AUTS2: variants seen among roughly 807,000 people sequenced by gnomAD.
AUTS2 encodes autism susceptibility gene 2 protein.
A neutral mutation model predicts 112.4 loss-of-function variants in AUTS2; 17 were observed. That is an observed-to-expected ratio of 0.15 (90% confidence interval 0.10 to 0.23). The LOEUF is 0.23. Ranked by LOEUF, AUTS2 falls within the 10% of genes least tolerant of loss-of-function variation. The pLI is 1.00. For synonymous variants in AUTS2, 751 were observed against 702.7 expected, an observed-to-expected ratio of 1.07 and a Z score of -1.09; for missense variants, 1,510 against 1,701.6, an observed-to-expected ratio of 0.89 and a Z score of 1.98.
chr7:69,769,855 A>G (rs1788587383), intron 1 of AUTS2, among the ~76,000 whole-genome samples: 1 of 152,244 alleles, frequency 6.6e-6, no homozygotes, highest in Non-Finnish European at 1.5e-5. Context: ...TCTAGTCATT[A>G]CTTCACGGGG....
intron 2 of AUTS2, among the ~76,000 whole-genome samples, chr7:69,945,741 T>C (rs1407789321): frequency 1.3e-5 from 2 of 152,188 alleles, no homozygotes; most frequent in African/African-American, 4.8e-5. Context: ...CTTGAGAAAG[T>C]ACTTATTTTC....
At chr7:69,913,289 C>G (rs1175799561) in intron 2 of AUTS2, among the ~76,000 whole-genome samples, 1 of 152,120 alleles carries the variant, frequency 6.6e-6, no homozygotes, top group East Asian at 1.9e-4. Flanking sequence ...TTGTTTATAA[C>G]AAGGGTCACC....
At chr7:69,954,523 A>G (rs1584488290) in intron 2 of AUTS2, among the ~76,000 whole-genome samples, 1 of 152,312 alleles carries the variant, frequency 6.6e-6, no homozygotes, top group East Asian at 1.9e-4. Flanking sequence ...AGCTCACTGT[A>G]GGCTCGAACT....
intron 4 of AUTS2, among the ~76,000 whole-genome samples, chr7:70,335,309 A>G (rs1375013760): frequency 6.6e-6 from 1 of 152,038 alleles, no homozygotes; most frequent in East Asian, 1.9e-4. Context: ...GCTTTACTAC[A>G]CACTCTCTCC....
At chr7:70,680,782 T>G (rs1206647682) in intron 5 of AUTS2, among the ~76,000 whole-genome samples, 1 of 152,192 alleles carries the variant, frequency 6.6e-6, no homozygotes, top group Non-Finnish European at 1.5e-5. Context: ...CCAACAACTG[T>G]ATTTTTACCA....
At chr7:70,069,202 C>A (rs1802638768) in intron 2 of AUTS2, among the ~76,000 whole-genome samples, 1 of 152,106 alleles carries the variant, frequency 6.6e-6, no homozygotes, top group African/African-American at 2.4e-5. Context: ...TGGAGCATAG[C>A]TCTCTCTGAC....
chr7:70,645,835 A>G (rs564099001), intron 5 of AUTS2, among the ~76,000 whole-genome samples: 3 of 152,348 alleles, frequency 2.0e-5, no homozygotes, highest in South Asian at 2.1e-4. Flanking sequence ...CACCTTCTGT[A>G]TAGTCATTTG....
chr7:70,072,730 G>A (rs1267432118), intron 2 of AUTS2, among the ~76,000 whole-genome samples: 1 of 152,120 alleles, frequency 6.6e-6, no homozygotes, highest in African/African-American at 2.4e-5. Context: ...CTGCATGGCT[G>A]TCATTTGCTT....
In AUTS2 at chr7:69,599,620, C is replaced by T. The variant is rs2129067275; in HGVS notation, c.-34C>T. 5 of 1,269,484 alleles carry T rather than the reference C, an allele frequency of 3.9e-6. No homozygotes were observed. The highest frequency in any genetic ancestry group is 6.5e-5 in the South Asian group (2 of 30,570). 78.6% of individuals were successfully genotyped at this position (1,269,484 alleles called of 1,614,324 possible). On this transcript the variant is annotated 5_prime_UTR_variant, in exon 1 of 19. Transcript: ENST00000342771. This position sits in a 1 kb window ranked among gnomAD's most constrained non-coding sequence, Gnocchi z 7.0. ...GTGTGGCTGCGGCCGTAGCCTGTGG[C>T]GGGCAAGCGGGGAGACCCCGGCGCA...
chr7:70,100,116 C>T (rs1432411781), intron 2 of AUTS2, among the ~76,000 whole-genome samples: 6 of 152,080 alleles, frequency 3.9e-5, no homozygotes, highest in African/African-American at 1.4e-4. Flanking sequence ...TTGTTGTGGT[C>T]GCTGTCTTCA....
intron 5 of AUTS2, among the ~76,000 whole-genome samples, chr7:70,439,599 C>T (rs1463748540): frequency 6.9e-6 from 1 of 145,250 alleles, no homozygotes; most frequent in African/African-American, 2.6e-5. Context: ...AGGCTGTGAA[C>T]ACTGCATCTT....
intron 6 of AUTS2, among the ~76,000 whole-genome samples, chr7:70,724,061 T>G (rs1421092290): frequency 6.6e-6 from 1 of 151,998 alleles, no homozygotes; most frequent in Non-Finnish European, 1.5e-5. Context: ...CTGGCTAATT[T>G]TTGTGTTTTT....
chr7:70,154,811 G>A (rs1303646317), intron 4 of AUTS2, among the ~76,000 whole-genome samples: 10 of 152,314 alleles, frequency 6.6e-5, no homozygotes, highest in African/African-American at 2.2e-4. Flanking sequence ...AGTGAAACTC[G>A]CTGCTATTAT....
At chr7:70,377,857 G>A (rs1264907620) in intron 4 of AUTS2, among the ~76,000 whole-genome samples, 1 of 148,642 alleles carries the variant, frequency 6.7e-6, no homozygotes, top group South Asian at 2.2e-4. Flanking sequence ...TGCAAGCTCC[G>A]CCTCCCGGGT....
intron 5 of AUTS2, among the ~76,000 whole-genome samples, chr7:70,619,002 G>A (rs551893667): frequency 4.6e-5 from 7 of 151,982 alleles, no homozygotes; most frequent in African/African-American, 9.7e-5. Context: ...CACACCATAC[G>A]TATGTGCCTA....
At chr7:69,983,748 A>G (rs1378488333) in intron 2 of AUTS2, among the ~76,000 whole-genome samples, 4 of 152,200 alleles carry the variant, frequency 2.6e-5, no homozygotes, top group African/African-American at 9.7e-5. Context: ...GTTTTGGGGT[A>G]AAATAAAATT....
At chr7:70,235,841 C>A (rs932441665) in intron 4 of AUTS2, among the ~76,000 whole-genome samples, 4 of 151,830 alleles carry the variant, frequency 2.6e-5, no homozygotes, top group African/African-American at 9.7e-5. Flanking sequence ...TTAGTAGAGA[C>A]GGGGGACGTG....
At chr7:70,181,872 A>G (rs1388586470) in intron 4 of AUTS2, among the ~76,000 whole-genome samples, 1 of 135,184 alleles carries the variant, frequency 7.4e-6, no homozygotes, top group Non-Finnish European at 1.5e-5. Flanking sequence ...ATCTTGGCTC[A>G]CTGCAAGCTC....
intron 1 of AUTS2, among the ~76,000 whole-genome samples, chr7:69,669,389 C>G (rs867850308): frequency 6.6e-6 from 1 of 151,692 alleles, no homozygotes; most frequent in Middle Eastern, 3.4e-3. Context: ...TATATACAAA[C>G]CTGACTTTTT....
Sources: allele counts gnomAD v4.1 joint callset (sites outside exome capture counted in the v4.1 genomes callset), GRCh38; gene constraint gnomAD v4.1.1; non-coding constraint Gnocchi (gnomAD v3.1); transcripts MANE v1.5; gene names NCBI Gene and HGNC (gene_info 2026-07-23, HGNC 2026-07-21).